The following THSD7B variants were observed in gnomAD, a reference collection of about 807,000 sequenced individuals.
The protein encoded by THSD7B is thrombospondin type-1 domain-containing protein 7B.
Under a neutral mutation model 213.6 loss-of-function variants are expected in THSD7B, and 138 were observed. The ratio of observed to expected loss-of-function variants is 0.65; its 90% confidence interval spans 0.56 to 0.74. The LOEUF is 0.74. Ranked by LOEUF, THSD7B falls within the 30% of genes least tolerant of loss-of-function variation. THSD7B has a pLI of 0.00. For missense variants in THSD7B, 1,931 were observed against 1,991.5 expected (o/e 0.97, Z 0.58); for synonymous variants, 742 against 687.0 (o/e 1.08, Z -1.25).
At chr2:137,134,649 CT>C (rs1558933510) in intron 5 of THSD7B, among the ~76,000 whole-genome samples, 1 of 152,112 alleles carries the variant, frequency 6.6e-6, no homozygotes, top group Admixed American at 6.6e-5. Context: ...AACGGCAAAC[CT>C]GTGGCCCTTC....
chr2:136,882,399 A>G, intron 2 of THSD7B, 82 bp downstream of exon 2: 1 of 1,317,368 alleles, frequency 7.6e-7, no homozygotes, highest in Non-Finnish European at 9.8e-7. Context: ...TCTTCTTTCT[A>G]AAGTAGTGGG....
At chr2:137,262,147 C>T (rs1260308128) in intron 10 of THSD7B, among the ~76,000 whole-genome samples, 3 of 152,122 alleles carry the variant, frequency 2.0e-5, no homozygotes, top group African/African-American at 7.2e-5. Context: ...GAATAGCATT[C>T]TTAAGGACAT....
intron 1 of THSD7B, among the ~76,000 whole-genome samples, chr2:136,772,097 G>A (rs926913312): frequency 6.6e-6 from 1 of 151,816 alleles, no homozygotes; most frequent in Non-Finnish European, 1.5e-5. Flanking sequence ...TAAGGTGAAT[G>A]CAACTGGTAA....
At chr2:137,125,323 A>C (rs2104947535) in intron 5 of THSD7B, among the ~76,000 whole-genome samples, 1 of 152,284 alleles carries the variant, frequency 6.6e-6, no homozygotes. Flanking sequence ...TTTTCAACTA[A>C]GTTTATGTGA....
intron 12 of THSD7B, among the ~76,000 whole-genome samples, chr2:137,290,317 C>G (rs965178958): frequency 6.6e-6 from 1 of 152,040 alleles, no homozygotes; most frequent in Non-Finnish European, 1.5e-5. Flanking sequence ...TCTCGATCTC[C>G]TGACCTCGTG....
chr2:137,222,282 C>G (rs574119532), intron 7 of THSD7B, among the ~76,000 whole-genome samples: 1 of 152,250 alleles, frequency 6.6e-6, no homozygotes, highest in East Asian at 1.9e-4. Flanking sequence ...TAATAATTTT[C>G]CAGCGTCACA....
intron 10 of THSD7B, among the ~76,000 whole-genome samples, chr2:137,258,152 G>T (rs1171937052): frequency 2.6e-5 from 4 of 152,228 alleles, no homozygotes; most frequent in African/African-American, 9.6e-5. Flanking sequence ...TTGTCATTTG[G>T]GGAAGAGAAA....
chr2:137,375,694 G>A (rs1337339452), intron 12 of THSD7B, among the ~76,000 whole-genome samples: 2 of 152,130 alleles, frequency 1.3e-5, no homozygotes, highest in Admixed American at 1.3e-4. Context: ...ATTAAGGTGT[G>A]ACAAATTTGT....
chr2:137,310,483 T>C (rs1166091351), intron 12 of THSD7B, among the ~76,000 whole-genome samples: 4 of 150,436 alleles, frequency 2.7e-5, no homozygotes, highest in Non-Finnish European at 5.9e-5. Flanking sequence ...TAGTTTCTTT[T>C]GCTGTGCAGA....
At chr2:136,778,373 G>A (rs1015569237) in intron 1 of THSD7B, among the ~76,000 whole-genome samples, 7 of 152,072 alleles carry the variant, frequency 4.6e-5, no homozygotes, top group African/African-American at 7.2e-5. Context: ...TCTCCCTCCC[G>A]TGACTCAGTT....
At chr2:137,490,778 G>A (rs2105121638) in intron 15 of THSD7B, among the ~76,000 whole-genome samples, 1 of 152,106 alleles carries the variant, frequency 6.6e-6, no homozygotes, top group East Asian at 1.9e-4. Flanking sequence ...AGGGTCCCAG[G>A]GATAATGGAC....
chr2:136,845,213 G>A (rs190661625), intron 1 of THSD7B, among the ~76,000 whole-genome samples: 2 of 152,312 alleles, frequency 1.3e-5, no homozygotes, highest in Admixed American at 6.5e-5. Flanking sequence ...CATTCCTATG[G>A]AGGAGGTGAA....
intron 21 of THSD7B, among the ~76,000 whole-genome samples, chr2:137,646,234 C>T (rs1030321994): frequency 2.0e-5 from 3 of 152,100 alleles, no homozygotes; most frequent in East Asian, 1.9e-4. Flanking sequence ...ACGAGGGCTC[C>T]GCCCTCATGA....
At chr2:137,466,819 G>T (rs1483350212) in intron 15 of THSD7B, among the ~76,000 whole-genome samples, 2 of 152,076 alleles carry the variant, frequency 1.3e-5, no homozygotes, top group African/African-American at 4.8e-5. Flanking sequence ...TCCAGGGCAG[G>T]TTGGCTCTGT....
At chr2:137,239,112 C>T (rs1273755486) in intron 9 of THSD7B, among the ~76,000 whole-genome samples, 2 of 152,118 alleles carry the variant, frequency 1.3e-5, no homozygotes, top group African/African-American at 4.8e-5. Context: ...TCCTCCACTT[C>T]ATATCCTACT....
intron 12 of THSD7B, among the ~76,000 whole-genome samples, chr2:137,298,743 A>G (rs1201254023): frequency 1.3e-5 from 2 of 152,174 alleles, no homozygotes; most frequent in African/African-American, 4.8e-5. Context: ...AACCTTGGCA[A>G]CTTCCACCTG....
chr2:137,290,903 TGTA>T (rs1183319514), intron 12 of THSD7B, among the ~76,000 whole-genome samples: 1 of 152,102 alleles, frequency 6.6e-6, no homozygotes, highest in Non-Finnish European at 1.5e-5. Flanking sequence ...ACCTGAGAAT[TGTA>T]GTAACATCCC....
chr2:137,415,433 A>C (rs1403260204), intron 14 of THSD7B, among the ~76,000 whole-genome samples: 3 of 152,116 alleles, frequency 2.0e-5, no homozygotes, highest in African/African-American at 7.2e-5. Context: ...TATTAAAATC[A>C]CAATTTATTT....
At chr2:137,223,352 T>C (rs12623052) in intron 7 of THSD7B, among the ~76,000 whole-genome samples, 50,963 of 152,052 alleles carry the variant, frequency 0.34, 9,389 homozygotes, top group East Asian at 0.49. Context: ...CCAGCAAAAT[T>C]CACACAACAT....
Sources: allele counts gnomAD v4.1 joint callset (sites outside exome capture counted in the v4.1 genomes callset), GRCh38; gene constraint gnomAD v4.1.1; transcripts MANE v1.5; gene names NCBI Gene and HGNC (gene_info 2026-07-23, HGNC 2026-07-21).